The following GRID2 variants were observed in gnomAD, a reference collection of about 807,000 sequenced individuals.
GRID2 encodes glutamate receptor ionotropic, delta-2.
Under a neutral mutation model 114.8 loss-of-function variants are expected in GRID2, and 33 were observed. The ratio of observed to expected loss-of-function variants is 0.29; its 90% confidence interval spans 0.22 to 0.38. The LOEUF is 0.38. Among genes scored for constraint, GRID2 ranks in the 10% least tolerant of loss-of-function variants. The pLI, the probability that GRID2 is intolerant of heterozygous loss-of-function variation, is 1.00. For missense variants in GRID2, 1,184 were observed against 1,257.7 expected, an observed-to-expected ratio of 0.94 and a Z score of 0.89; for synonymous variants, 505 against 449.9, an observed-to-expected ratio of 1.12 and a Z score of -1.55.
intron 1 of GRID2, among the ~76,000 whole-genome samples, chr4:92,329,975 A>T (rs1467057952): frequency 7.3e-6 from 1 of 137,266 alleles, no homozygotes; most frequent in African/African-American, 2.8e-5. Flanking sequence ...GAGAAAAAGG[A>T]AGAGGAGTAT....
chr4:92,945,965 T>C (rs556515938), intron 2 of GRID2, among the ~76,000 whole-genome samples: 2 of 152,268 alleles, frequency 1.3e-5, no homozygotes, highest in South Asian at 2.1e-4. Context: ...CCTTTTTACA[T>C]GCCTTCCAGA....
chr4:93,552,080 C>A (rs1481787167), intron 13 of GRID2, among the ~76,000 whole-genome samples: 1 of 143,466 alleles, frequency 7.0e-6, no homozygotes, highest in African/African-American at 2.6e-5. Context: ...CTTCCTGTGT[C>A]CATGTGTTCT....
chr4:93,180,550 G>A (rs1449755434), intron 4 of GRID2, among the ~76,000 whole-genome samples: 2 of 152,060 alleles, frequency 1.3e-5, no homozygotes, highest in Admixed American at 6.6e-5. Flanking sequence ...GTTTTCTGTA[G>A]CATGCCATGC....
intron 14 of GRID2, among the ~76,000 whole-genome samples, chr4:93,703,244 G>C (rs552478014): frequency 2.0e-5 from 3 of 152,074 alleles, no homozygotes; most frequent in Non-Finnish European, 4.4e-5. Context: ...TTATTGAATA[G>C]GAGAGATCCA....
chr4:92,865,277 C>T (rs1016594773), intron 2 of GRID2, among the ~76,000 whole-genome samples: 14 of 152,110 alleles, frequency 9.2e-5, no homozygotes, highest in Admixed American at 7.2e-4. Context: ...CTGTTATAAA[C>T]GTGAATTCAT....
At chr4:92,797,085 T>C (rs1739915667) in intron 2 of GRID2, among the ~76,000 whole-genome samples, 1 of 151,958 alleles carries the variant, frequency 6.6e-6, no homozygotes, top group Non-Finnish European at 1.5e-5. Flanking sequence ...AGGCCTCCGT[T>C]TATAGTGGAT....
At chr4:93,408,945 C>G (rs1185589575) in intron 9 of GRID2, among the ~76,000 whole-genome samples, 1 of 152,154 alleles carries the variant, frequency 6.6e-6, no homozygotes, top group Admixed American at 6.5e-5. Context: ...GAAAACCTGT[C>G]ACCTTATTCT....
chr4:93,106,642 T>C (rs1417763172), intron 3 of GRID2, among the ~76,000 whole-genome samples: 2 of 152,176 alleles, frequency 1.3e-5, no homozygotes, highest in African/African-American at 2.4e-5. Flanking sequence ...TTTTAATGAC[T>C]CTTACACACA....
At chr4:92,919,293 A>G (rs1749097085) in intron 2 of GRID2, among the ~76,000 whole-genome samples, 1 of 152,074 alleles carries the variant, frequency 6.6e-6, no homozygotes, top group Non-Finnish European at 1.5e-5. Context: ...TTATCATTTC[A>G]AAAAACCAGC....
intron 14 of GRID2, among the ~76,000 whole-genome samples, chr4:93,659,348 G>T (rs763882904): frequency 1.3e-5 from 2 of 152,032 alleles, no homozygotes; most frequent in African/African-American, 4.8e-5. Flanking sequence ...TAAAGTTGTC[G>T]TCACACCTGG....
chr4:92,361,296 A>C (rs1405384591), intron 1 of GRID2, among the ~76,000 whole-genome samples: 1 of 152,042 alleles, frequency 6.6e-6, no homozygotes, highest in East Asian at 1.9e-4. Flanking sequence ...TAAACTCTAA[A>C]TGGACAAAGC....
chr4:92,938,707 C>T (rs1349949187), intron 2 of GRID2, among the ~76,000 whole-genome samples: 1 of 144,938 alleles, frequency 6.9e-6, no homozygotes, highest in Admixed American at 7.7e-5. Flanking sequence ...AATGCTATCC[C>T]TCCCCCCAGC....
intron 14 of GRID2, among the ~76,000 whole-genome samples, chr4:93,765,263 C>T (rs1733549871): frequency 6.6e-6 from 1 of 152,096 alleles, no homozygotes; most frequent in African/African-American, 2.4e-5. Flanking sequence ...ACTTAGAGAA[C>T]ACTTTCATTC....
At chr4:92,693,029 A>AG (rs1553917425) in intron 2 of GRID2, among the ~76,000 whole-genome samples, 2 of 150,790 alleles carry the variant, frequency 1.3e-5, no homozygotes, top group Non-Finnish European at 3.0e-5. Flanking sequence ...TCAAAAAAAA[A>AG]AAAAGAAAAG....
rs115588669 is a variant in GRID2 at position 93,570,894 on chromosome 4, G to A, written c.2194-55375G>A. On this transcript the variant is annotated intron_variant, in intron 13 of 15. Coordinates refer to ENST00000282020, the MANE Select transcript of GRID2 (RefSeq NM_001510.4). ...ATTCCTCTCATTGCCTCTTCATATGGATTTACAAAATGGTAAATGGAGGCA... is the reference window on the plus strand; with the variant it reads ...ATTCCTCTCATTGCCTCTTCATATGAATTTACAAAATGGTAAATGGAGGCA... 2.4e-3 allele frequency among the ~76,000 whole-genome samples: 367 copies of A among 152,186 alleles called. 4 individuals carry two copies. The highest frequency in any genetic ancestry group is 0.014 in the South Asian group (69 of 4,820).
chr4:93,454,708 A>G (rs948875978), intron 10 of GRID2, among the ~76,000 whole-genome samples: 4 of 152,116 alleles, frequency 2.6e-5, no homozygotes, highest in African/African-American at 4.8e-5. Flanking sequence ...TTTTGTTCCC[A>G]AAAGCTATAA....
At chr4:92,971,332 T>C (rs753243647) in intron 2 of GRID2, among the ~76,000 whole-genome samples, 4 of 152,066 alleles carry the variant, frequency 2.6e-5, no homozygotes, top group Non-Finnish European at 5.9e-5. Flanking sequence ...GTACAGATTT[T>C]TATGTTGCAA....
At position 93,589,969 on chromosome 4, in the gene GRID2, G is replaced by A. The variant is rs757994845; in HGVS notation, c.2194-36300G>A. ...TGGATATTAGCCCTTTGTCAGATGA[G>A]TAGGTTGTGAAAATTTTCTCCCATT... is the stretch of plus-strand genomic sequence containing the variant. On this transcript the variant is annotated intron_variant, in intron 13 of 15. Coordinates refer to ENST00000282020, the MANE Select transcript of GRID2 (RefSeq NM_001510.4). Among the ~76,000 whole-genome samples the A allele has an allele frequency of 2.4e-3, 356 of 150,902 alleles. 1 individual carries two copies. The highest frequency in any genetic ancestry group is 4.2e-3 in the Non-Finnish European group (281 of 67,468).
At chr4:92,551,254 C>CTGTGTGTGTGTGTGTGTG (rs34809917) in intron 1 of GRID2, among the ~76,000 whole-genome samples, 2 of 146,870 alleles carry the variant, frequency 1.4e-5, no homozygotes, top group African/African-American at 5.0e-5. Flanking sequence ...ACATCTACAC[C>CTGTGTGTGTGTGTGTGTG]TGTGTGTGTG....
Sources: gnomAD v4.1 joint callset for allele counts (sites outside exome capture counted in the v4.1 genomes callset) on GRCh38, gnomAD v4.1.1 for gene constraint, MANE v1.5 for transcripts, NCBI Gene and HGNC (gene_info 2026-07-23, HGNC 2026-07-21) for gene names.